Variants in MAGI1 observed in about 807,000 individuals in gnomAD.
MAGI1 encodes the protein membrane-associated guanylate kinase, WW and PDZ domain-containing protein 1.
A neutral mutation model predicts 139.9 loss-of-function variants in MAGI1; 58 were observed. That is an observed-to-expected ratio of 0.41 (90% CI 0.34 to 0.52). MAGI1 has a LOEUF of 0.52. Among genes scored for constraint, MAGI1 ranks in the 20% least tolerant of loss-of-function variants. The pLI, the probability that MAGI1 is intolerant of heterozygous loss-of-function variation, is 0.12. For missense variants in MAGI1, 1,874 were observed against 1,901.6 expected, an observed-to-expected ratio of 0.99 and a Z score of 0.27; for synonymous variants, 812 against 737.9, an observed-to-expected ratio of 1.10 and a Z score of -1.63.
At chr3:65,911,170 A>C (rs2061652492) in intron 1 of MAGI1, among the ~76,000 whole-genome samples, 1 of 151,850 alleles carries the variant, frequency 6.6e-6, no homozygotes, top group Non-Finnish European at 1.5e-5. Flanking sequence ...GACATGGTGG[A>C]CTTTTGCTAT....
chr3:65,579,147 T>C (rs572290921), intron 2 of MAGI1, among the ~76,000 whole-genome samples: 2 of 152,106 alleles, frequency 1.3e-5, no homozygotes, highest in Admixed American at 6.5e-5. Context: ...CCCACCACTG[T>C]GCAAATCCTG....
chr3:65,596,840 C>CA (rs2082229204), intron 2 of MAGI1, among the ~76,000 whole-genome samples: 1 of 152,224 alleles, frequency 6.6e-6, no homozygotes, highest in African/African-American at 2.4e-5. Context: ...CTGATGCCCA[C>CA]AGACATACAT....
intron 1 of MAGI1, among the ~76,000 whole-genome samples, chr3:65,906,378 C>T (rs1352730763): frequency 6.6e-6 from 1 of 152,104 alleles, no homozygotes; most frequent in Non-Finnish European, 1.5e-5. Flanking sequence ...TCTGAAAGGG[C>T]AGCATGTCCA....
intron 1 of MAGI1, among the ~76,000 whole-genome samples, chr3:65,959,661 C>T (rs753099859): frequency 1.1e-4 from 16 of 146,776 alleles, no homozygotes; most frequent in Admixed American, 2.7e-4. Context: ...GACAAGGTCT[C>T]CCTATGTTTC....
chr3:65,851,342 T>C (rs1481834734), intron 1 of MAGI1, among the ~76,000 whole-genome samples: 7 of 152,230 alleles, frequency 4.6e-5, no homozygotes, highest in Non-Finnish European at 8.8e-5. Flanking sequence ...TGCAGATCTC[T>C]TGATTACCTT....
At chr3:65,542,910 T>G (rs1405960679) in intron 2 of MAGI1, among the ~76,000 whole-genome samples, 1 of 152,032 alleles carries the variant, frequency 6.6e-6, no homozygotes, top group Admixed American at 6.5e-5. Flanking sequence ...TGGGATCTAA[T>G]TAAACTAAAG....
At chr3:65,814,740 A>C (rs1217384148) in intron 1 of MAGI1, among the ~76,000 whole-genome samples, 1 of 152,196 alleles carries the variant, frequency 6.6e-6, no homozygotes, top group Non-Finnish European at 1.5e-5. Flanking sequence ...TATAAAGAAA[A>C]ATATGGCTGT....
intron 1 of MAGI1, among the ~76,000 whole-genome samples, chr3:65,983,900 G>T (rs533243832): frequency 6.6e-6 from 1 of 152,344 alleles, no homozygotes; most frequent in African/African-American, 2.4e-5. Context: ...AGGTTTGAAT[G>T]AGTTAATGCA....
chr3:65,884,079 T>C (rs368158792), intron 1 of MAGI1, among the ~76,000 whole-genome samples: 3 of 152,124 alleles, frequency 2.0e-5, no homozygotes, highest in South Asian at 4.2e-4. Context: ...AGAACAAGAA[T>C]GAAAAGAGCA....
intron 1 of MAGI1, among the ~76,000 whole-genome samples, chr3:65,921,357 G>A (rs1005180695): frequency 1.3e-5 from 2 of 151,262 alleles, no homozygotes; most frequent in Non-Finnish European, 2.9e-5. Context: ...GCCCAGGCTG[G>A]AGTGCAGGGG....
At chr3:65,545,605 T>C (rs938236139) in intron 2 of MAGI1, among the ~76,000 whole-genome samples, 6 of 152,182 alleles carry the variant, frequency 3.9e-5, no homozygotes, top group Non-Finnish European at 2.9e-5. Context: ...ACTCATATTC[T>C]AGCCATCTAT....
intron 1 of MAGI1, among the ~76,000 whole-genome samples, chr3:65,792,673 G>A (rs145084142): frequency 1.3e-3 from 198 of 152,148 alleles, no homozygotes; most frequent in African/African-American, 4.0e-3. Flanking sequence ...GGGAAGTGGC[G>A]TATACAGCAT....
intron 2 of MAGI1, chr3:65,598,001 C>T: frequency 2.3e-6 from 1 of 438,860 alleles, no homozygotes; most frequent in African/African-American, 2.0e-5. Context: ...AGCGGTTTTT[C>T]GAGGGAAGAG....
intron 2 of MAGI1, among the ~76,000 whole-genome samples, chr3:65,558,379 A>G (rs890376798): frequency 2.6e-5 from 4 of 152,216 alleles, no homozygotes; most frequent in Non-Finnish European, 5.9e-5. Flanking sequence ...CAGACAGGCC[A>G]TCAGCACACA....
At chr3:65,414,985 T>C (rs1373475601) in intron 12 of MAGI1, among the ~76,000 whole-genome samples, 2 of 135,434 alleles carry the variant, frequency 1.5e-5, no homozygotes, top group Admixed American at 8.3e-5. Flanking sequence ...GCCGAGATCA[T>C]GCCATTGCAC....
chr3:65,450,620 A>G (rs1050132257), intron 6 of MAGI1, among the ~76,000 whole-genome samples: 3 of 152,190 alleles, frequency 2.0e-5, no homozygotes, highest in Admixed American at 1.3e-4. Flanking sequence ...GACATTATCA[A>G]TCACATGGAT....
chr3:65,550,933 A>G (rs2079797471), intron 2 of MAGI1, among the ~76,000 whole-genome samples: 1 of 152,140 alleles, frequency 6.6e-6, no homozygotes, highest in Admixed American at 6.5e-5. Context: ...CTGTGCCACT[A>G]CACTCCAGCC....
intron 1 of MAGI1, among the ~76,000 whole-genome samples, chr3:65,933,962 C>T (rs920724075): frequency 6.6e-6 from 1 of 151,982 alleles, no homozygotes; most frequent in Non-Finnish European, 1.5e-5. Context: ...CCCATCTCTA[C>T]TAAAAATACA....
chr3:65,890,698 G>A (rs1403359548), intron 1 of MAGI1, among the ~76,000 whole-genome samples: 1 of 152,192 alleles, frequency 6.6e-6, no homozygotes, highest in African/African-American at 2.4e-5. Flanking sequence ...CCATTTATAA[G>A]AGGTACAAGT....
Sources: gnomAD v4.1 joint callset for allele counts (sites outside exome capture counted in the v4.1 genomes callset) on GRCh38, gnomAD v4.1.1 for gene constraint, MANE v1.5 for transcripts, NCBI Gene and HGNC (gene_info 2026-07-23, HGNC 2026-07-21) for gene names.